RAB33B: variants seen among roughly 807,000 people sequenced by gnomAD.
RAB33B encodes ras-related protein Rab-33B.
A neutral mutation model predicts 15.0 loss-of-function variants in RAB33B; 6 were observed. The observed-to-expected ratio is 0.40, with a 90% CI of 0.22 to 0.79. The LOEUF (loss-of-function observed/expected upper bound fraction) is 0.79, where lower values mean the gene tolerates loss of function less well. Ranked by LOEUF, RAB33B falls within the 30% of genes least tolerant of loss-of-function variation. The pLI, the probability that RAB33B is intolerant of heterozygous loss-of-function variation, is 0.37. For synonymous variants in RAB33B, 117 were observed against 108.3 expected, an observed-to-expected ratio of 1.08 and a Z score of -0.50; for missense variants, 257 against 296.4, an observed-to-expected ratio of 0.87 and a Z score of 0.98.
rs1332809443 is a variant in RAB33B at position 139,475,155 on chromosome 4, A to G, written c.*2029A>G. ...TAAAAATTGTTTTACTTGTATCGAA[A>G]TTAACCTTGATTTATAACTATTTTT... On this transcript the variant is annotated 3_prime_UTR_variant, in exon 2 of 2. Coordinates refer to ENST00000305626, the MANE Select transcript of RAB33B (RefSeq NM_031296.3). 1 of 152,070 alleles carries G rather than the reference A, an allele frequency of 6.6e-6. No individual in the cohort carries two copies. Among genetic ancestry groups the G allele is most frequent in the Non-Finnish European group, 1.5e-5 (1 of 67,940 alleles). 9.4% of individuals were successfully genotyped at this position (152,070 alleles called of 1,614,324 possible). A position where few individuals can be genotyped will look rare whatever the true frequency, so the allele number is the denominator to read the frequency against.
intron 1 of RAB33B, among the ~76,000 whole-genome samples, chr4:139,465,494 G>A (rs186330413): frequency 1.8e-4 from 27 of 152,260 alleles, no homozygotes; most frequent in Admixed American, 9.2e-4. Flanking sequence ...TATTGCCTAC[G>A]TTTTCTTCTA....
chr4:139,458,921 A>AT (rs1276437452), intron 1 of RAB33B, among the ~76,000 whole-genome samples: 1 of 152,082 alleles, frequency 6.6e-6, no homozygotes, highest in Non-Finnish European at 1.5e-5. Context: ...AGCATATGTT[A>AT]TTTTTTGACT....
At chr4:139,442,797 A>G in the RAB33B span, among the ~76,000 whole-genome samples, 3 of 152,038 alleles carry the variant, frequency 2.0e-5, no homozygotes, top group African/African-American at 2.4e-5. Flanking sequence ...AAATATATAT[A>G]TCTATTCCAT....
chr4:139,460,689 C>T lies in RAB33B; in HGVS notation c.249+6245C>T, dbSNP rs189908014. 2.1e-4 allele frequency among the ~76,000 whole-genome samples: 32 copies of T among 152,274 alleles called. 1 individual carries two copies. The highest frequency in any genetic ancestry group is 1.4e-3 in the Admixed American group (22 of 15,296). ...TTGAAATTCAGTGAATGAGAATATG[C>T]GCAGTTCAGGTATCCTAAGAATGCT... On this transcript the variant is annotated intron_variant, in intron 1 of 1. Transcript: ENST00000305626.
rs568722111 is a variant in RAB33B at position 139,471,522 on chromosome 4, GT to G, written c.250-1146del. Reference sequence around the variant, plus strand: ...TCACCTGATTTTTGGTTCTTATGAAGTTTTTTTTTTTTTTTTTTCCTGTGTA... The same window carrying G: ...TCACCTGATTTTTGGTTCTTATGAAGTTTTTTTTTTTTTTTTTCCTGTGTA... On this transcript the variant is annotated intron_variant, in intron 1 of 1. Transcript: ENST00000305626. Among the ~76,000 whole-genome samples the G allele has an allele frequency of 6.9e-3, 941 of 135,608 alleles. 2 individuals are homozygous for G. Among genetic ancestry groups the G allele is most frequent in the Middle Eastern group, 0.019 (5 of 260 alleles). The allele number at this position is 135,608 out of a possible 152,430, so 89.0% of individuals were successfully genotyped here.
Position 139,475,474 on chromosome 4 carries a change from G to A in RAB33B, c.*2348G>A, listed in dbSNP as rs1039257744. 2 of 151,636 alleles carry A rather than the reference G, an allele frequency of 1.3e-5. No homozygotes were observed. Among genetic ancestry groups the A allele is most frequent in the African/African-American group, 4.8e-5 (2 of 41,346 alleles). The allele number at this position is 151,636 out of a possible 1,614,324, so 9.4% of individuals were successfully genotyped here. A position where few individuals can be genotyped will look rare whatever the true frequency, so the allele number is the denominator to read the frequency against. The stretch of plus-strand genomic sequence containing the variant: ...ATTTGTATCTCATTTGTAACAATTT[G>A]TTTTAATTTTTTATATATATGTTTT... On this transcript the variant is annotated 3_prime_UTR_variant, in exon 2 of 2. Transcript: ENST00000305626.
intron 1 of RAB33B, among the ~76,000 whole-genome samples, chr4:139,469,034 G>A (rs1394664184): frequency 6.6e-6 from 1 of 151,940 alleles, no homozygotes; most frequent in Non-Finnish European, 1.5e-5. Context: ...ATGCCTTCAG[G>A]TAGTCTTCTT....
chr4:139,448,721 A>T (rs905713284), upstream of RAB33B: 3 of 150,152 alleles, frequency 2.0e-5, no homozygotes, highest in Non-Finnish European at 4.5e-5. Context: ...CCCGACCATA[A>T]TATTATTTTT....
chr4:139,444,788 G>A, the RAB33B span, among the ~76,000 whole-genome samples: 6 of 152,180 alleles, frequency 3.9e-5, no homozygotes, highest in Non-Finnish European at 8.8e-5. Context: ...ATTGGCACAG[G>A]CATACTTAGC....
intron 1 of RAB33B, among the ~76,000 whole-genome samples, chr4:139,464,650 G>C (rs1750245184): frequency 6.6e-6 from 1 of 152,008 alleles, no homozygotes; most frequent in Non-Finnish European, 1.5e-5. Context: ...TTGGTTTTCT[G>C]TCCTTGTGAT....
the RAB33B span, among the ~76,000 whole-genome samples, chr4:139,445,915 CCTT>C: frequency 6.6e-6 from 1 of 152,174 alleles, no homozygotes; most frequent in Non-Finnish European, 1.5e-5. Context: ...TAACTATTCT[CCTT>C]CTGAGAGACA....
chr4:139,457,449 G>A (rs910451128), intron 1 of RAB33B, among the ~76,000 whole-genome samples: 1 of 152,170 alleles, frequency 6.6e-6, no homozygotes, highest in East Asian at 1.9e-4. Context: ...GCCTGGTGTT[G>A]TATTTAATCC....
At chr4:139,461,228 C>T (rs191302499) in intron 1 of RAB33B, among the ~76,000 whole-genome samples, 1 of 152,068 alleles carries the variant, frequency 6.6e-6, no homozygotes, top group Admixed American at 6.5e-5. Flanking sequence ...AGACGTAGGT[C>T]ACATGCCCTC....
At chr4:139,446,713 C>T in the RAB33B span, among the ~76,000 whole-genome samples, 6 of 152,334 alleles carry the variant, frequency 3.9e-5, no homozygotes, top group African/African-American at 1.4e-4. Flanking sequence ...TCCCCAGTTA[C>T]GCCTGTCATT....
the RAB33B span, among the ~76,000 whole-genome samples, chr4:139,446,523 T>A: frequency 1.3e-5 from 2 of 152,218 alleles, no homozygotes; most frequent in African/African-American, 2.4e-5. Context: ...GAAGCATAAT[T>A]GGAAAATTGG....
At chr4:139,440,635 C>G in the RAB33B span, among the ~76,000 whole-genome samples, 4 of 145,240 alleles carry the variant, frequency 2.8e-5, no homozygotes, top group African/African-American at 1.0e-4. Context: ...TTTTTTGAGA[C>G]AGAGTCTCGC....
Position 139,473,836 on chromosome 4 carries a change from A to T in RAB33B, c.*710A>T, listed in dbSNP as rs1750445410. ...AGAGTTCTAGATGTTTGATTTTCTA[A>T]TTAATACTTATCAGATCTACAAAAA... On this transcript the variant is annotated 3_prime_UTR_variant, in exon 2 of 2. Coordinates refer to ENST00000305626, the MANE Select transcript of RAB33B (RefSeq NM_031296.3). The T allele has an allele frequency of 6.6e-6, 1 of 151,748 alleles. No homozygotes were observed. Among genetic ancestry groups the T allele is most frequent in the Admixed American group, 6.6e-5 (1 of 15,242 alleles). The allele number at this position is 151,748 out of a possible 1,614,324, so 9.4% of individuals were successfully genotyped here.
At chr4:139,458,070 ATGT>A (rs1471791498) in intron 1 of RAB33B, among the ~76,000 whole-genome samples, 3 of 152,164 alleles carry the variant, frequency 2.0e-5, no homozygotes. Flanking sequence ...TGCCCGATTA[ATGT>A]TGTACTTCAA....
At chr4:139,472,550 A>C in intron 1 of RAB33B, 136 bp from the exon 2 acceptor site, 2 of 657,066 alleles carry the variant, frequency 3.0e-6, no homozygotes, top group Non-Finnish European at 5.0e-6. Context: ...GGTAACACTG[A>C]AAAGACATTA....
Sources: allele counts gnomAD v4.1 joint callset (sites outside exome capture counted in the v4.1 genomes callset), GRCh38; gene constraint gnomAD v4.1.1; transcripts MANE v1.5; gene names NCBI Gene and HGNC (gene_info 2026-07-23, HGNC 2026-07-21).